The following ANKRD17 variants were observed in gnomAD, a reference collection of about 807,000 sequenced individuals.
The protein encoded by ANKRD17 is ankyrin repeat domain 17.
In ANKRD17, 19 loss-of-function variants were observed where a neutral mutation model predicts 229.7. The observed-to-expected ratio is 0.08, with a 90% CI of 0.06 to 0.12. ANKRD17 has a LOEUF of 0.12. Ranked by LOEUF, ANKRD17 falls within the 10% of genes least tolerant of loss-of-function variation. ANKRD17 has a pLI of 1.00. For synonymous variants in ANKRD17, 1,112 were observed against 1,146.1 expected (o/e 0.97, Z 0.60); for missense variants, 2,176 against 3,176.8 (o/e 0.68, Z 7.57).
In ANKRD17 at chr4:73,211,971, G is replaced by T. The variant is rs141952224; in HGVS notation, c.394-34438C>A. On this transcript the variant is annotated intron_variant, in intron 1 of 33. Transcript: ENST00000358602. ...ACACAGGAATAAAGAAAAATGTATA[G>T]TATTTCAAATGATGTACAAAGCTTA... Among the ~76,000 whole-genome samples, 201 of 151,916 alleles carry T rather than the reference G, an allele frequency of 1.3e-3. 1 individual carries two copies. Among genetic ancestry groups the T allele is most frequent in the African/African-American group, 4.6e-3 (191 of 41,434 alleles).
chr4:73,078,765 T>C lies in ANKRD17; in HGVS notation c.7285A>G (p.Thr2429Ala). The C allele has an allele frequency of 6.2e-7, 1 of 1,614,084 alleles. No individual in the cohort carries two copies. Among genetic ancestry groups the C allele is most frequent in the Non-Finnish European group, 8.5e-7 (1 of 1,179,998 alleles). The change falls in exon 31 of 34, where the codon ACT (threonine) becomes GCT (alanine). Residue 2429 changes from threonine (T) to alanine (A), a missense_variant. Around this residue, in one of 18 missense-constraint regions of ANKRD17, gnomAD observed 2 missense variants for 21.4 expected, o/e 0.09. Transcript: ENST00000358602. ...TGCCTGATACGTGCAGAACGTTCAGTCCCAATAGGGACTGGAACTTTCCTG... is the reference window on the plus strand; with the variant it reads ...TGCCTGATACGTGCAGAACGTTCAGCCCCAATAGGGACTGGAACTTTCCTG... ...QDRKVPVPIG[T>A]ERSARIRQTG...
intron 22 of ANKRD17, 129 bp from the exon 23 acceptor site, chr4:73,116,045 A>G: frequency 1.4e-6 from 1 of 698,672 alleles, no homozygotes; most frequent in South Asian, 2.0e-5. Flanking sequence ...TTACACTATA[A>G]ATGAAAAAGA....
intron 2 of ANKRD17, among the ~76,000 whole-genome samples, chr4:73,162,581 A>G (rs1426648089): frequency 6.6e-6 from 1 of 152,110 alleles, no homozygotes; most frequent in African/African-American, 2.4e-5. Flanking sequence ...ACTATATATA[A>G]AAGATAAGCT....
intron 16 of ANKRD17, among the ~76,000 whole-genome samples, chr4:73,134,181 T>C (rs1168395471): frequency 5.9e-5 from 9 of 152,174 alleles, no homozygotes; most frequent in African/African-American, 2.2e-4. Context: ...ACTTTATTTT[T>C]AATAGGTTAA....
chr4:73,184,958 A>G (rs1431868603), intron 1 of ANKRD17, among the ~76,000 whole-genome samples: 1 of 152,186 alleles, frequency 6.6e-6, no homozygotes, highest in Non-Finnish European at 1.5e-5. Flanking sequence ...AGATAATTAG[A>G]GACCATGTTA....
intron 1 of ANKRD17, among the ~76,000 whole-genome samples, chr4:73,227,867 T>TTG (rs1742665274): frequency 6.6e-6 from 1 of 152,128 alleles, no homozygotes; most frequent in African/African-American, 2.4e-5. Context: ...ACTTAACACT[T>TTG]TGTTGTTTGT....
chr4:73,253,028 G>A (rs1329735443), intron 1 of ANKRD17, among the ~76,000 whole-genome samples: 2 of 152,146 alleles, frequency 1.3e-5, no homozygotes, highest in Admixed American at 1.3e-4. Context: ...GCATAACAGA[G>A]CATGTGAATG....
intron 2 of ANKRD17, among the ~76,000 whole-genome samples, chr4:73,164,013 G>A (rs1477983345): frequency 2.6e-5 from 4 of 151,986 alleles, no homozygotes; most frequent in Non-Finnish European, 5.9e-5. Flanking sequence ...AAACTGTCTT[G>A]GTCTGATAAG....
intron 2 of ANKRD17, among the ~76,000 whole-genome samples, chr4:73,163,934 A>T (rs1732878899): frequency 6.6e-6 from 1 of 152,246 alleles, no homozygotes; most frequent in Non-Finnish European, 1.5e-5. Flanking sequence ...CTTTATGATT[A>T]TAGCCATAAA....
At chr4:73,210,700 A>G (rs17794456) in intron 1 of ANKRD17, among the ~76,000 whole-genome samples, 3,235 of 152,274 alleles carry the variant, frequency 0.021, 43 homozygotes, top group Middle Eastern at 0.051. Context: ...TGTGAAGGGT[A>G]TATTTTAGAA....
At chr4:73,101,193 G>A (rs1560517652) in intron 25 of ANKRD17, 9 of 969,974 alleles carry the variant, frequency 9.3e-6, no homozygotes, top group Non-Finnish European at 1.1e-5. Context: ...TAAAGGGACA[G>A]GATTACTATA....
chr4:73,120,744 G>A, intron 20 of ANKRD17, 137 bp downstream of exon 20: 1 of 753,612 alleles, frequency 1.3e-6, no homozygotes, highest in South Asian at 2.1e-5. Flanking sequence ...GAGTTATACA[G>A]AATGATTTCT....
chr4:73,139,117 A>G (rs1292191531), intron 15 of ANKRD17, among the ~76,000 whole-genome samples: 7 of 152,202 alleles, frequency 4.6e-5, no homozygotes, highest in African/African-American at 1.7e-4. Context: ...CTGTTCATAA[A>G]TAAGCTTCCT....
intron 1 of ANKRD17, among the ~76,000 whole-genome samples, chr4:73,256,734 TCTTC>T (rs1745486727): frequency 6.6e-6 from 1 of 152,204 alleles, no homozygotes; most frequent in African/African-American, 2.4e-5. Flanking sequence ...TACATCTTTC[TCTTC>T]CTTGTTTCAA....
At chr4:73,179,464 ATATG>A (rs1231374565) in intron 1 of ANKRD17, among the ~76,000 whole-genome samples, 11 of 91,924 alleles carry the variant, frequency 1.2e-4, no homozygotes, top group East Asian at 4.1e-4. Flanking sequence ...ATATATGTAT[ATATG>A]TGTGTGTGTG....
intron 18 of ANKRD17, among the ~76,000 whole-genome samples, chr4:73,122,191 G>C (rs1016362269): frequency 1.2e-4 from 18 of 152,098 alleles, no homozygotes; most frequent in Non-Finnish European, 2.5e-4. Flanking sequence ...ATTTTCACAA[G>C]ATTATGAAAA....
chr4:73,125,464 G>A, intron 16 of ANKRD17, 152 bp from the exon 17 acceptor site: 1 of 639,354 alleles, frequency 1.6e-6, no homozygotes, highest in South Asian at 2.0e-5. Context: ...GACGGGCGTG[G>A]TGGCTCACGC....
chr4:73,173,022 A>T (rs1221536477), intron 2 of ANKRD17, among the ~76,000 whole-genome samples: 1 of 152,228 alleles, frequency 6.6e-6, no homozygotes, highest in Admixed American at 6.5e-5. Flanking sequence ...GCAGAGGCTG[A>T]ATGGATAAAA....
At chr4:73,172,492 T>C (rs764153207) in intron 2 of ANKRD17, among the ~76,000 whole-genome samples, 18 of 152,216 alleles carry the variant, frequency 1.2e-4, no homozygotes, top group Non-Finnish European at 2.4e-4. Context: ...AACTGACTGA[T>C]AATATTAACT....
Sources: gnomAD v4.1 joint callset for allele counts (sites outside exome capture counted in the v4.1 genomes callset) on GRCh38, gnomAD v4.1.1 for gene constraint, gnomAD v4.1.1 regional missense constraint, MANE v1.5 for transcripts, NCBI Gene and HGNC (gene_info 2026-07-23, HGNC 2026-07-21) for gene names.